IL1RAPL1: variants seen among roughly 807,000 people sequenced by gnomAD.
IL1RAPL1 encodes interleukin 1 receptor accessory protein like 1, also known as interleukin-1 receptor accessory protein-like 1.
In IL1RAPL1, 3 loss-of-function variants were observed where a neutral mutation model predicts 48.4. That is an observed-to-expected ratio of 0.06 (90% CI 0.03 to 0.16). IL1RAPL1 has a LOEUF of 0.16. Among genes scored for constraint, IL1RAPL1 ranks in the 10% least tolerant of loss-of-function variants. The probability of loss-of-function intolerance (pLI) is 1.00; values close to 1 mark genes in which losing one functional copy is unlikely to be tolerated. For missense variants in IL1RAPL1, 349 were observed against 530.6 expected (o/e 0.66, Z 3.36); for synonymous variants, 185 against 187.7 (o/e 0.99, Z 0.12).
chrX:29,730,731 G>C (rs1051213172), intron 6 of IL1RAPL1, among the ~76,000 whole-genome samples: 6 of 112,107 alleles, frequency 5.4e-5, no homozygotes, highest in African/African-American at 1.6e-4. Context: ...GCCAGTGGTA[G>C]AATTGTTACA....
intron 2 of IL1RAPL1, among the ~76,000 whole-genome samples, chrX:28,848,544 A>AT (rs1003471437): frequency 9.1e-6 from 1 of 109,555 alleles, no homozygotes; most frequent in Non-Finnish European, 1.9e-5. Flanking sequence ...TTATCATTTT[A>AT]TTTTTTCCCT....
chrX:29,437,916 C>A, intron 5 of IL1RAPL1, among the ~76,000 whole-genome samples: 1 of 110,932 alleles, frequency 9.0e-6, no homozygotes, highest in Non-Finnish European at 1.9e-5. Context: ...GGCATTCCAT[C>A]TTCTCTTTTG....
At chrX:29,196,002 C>A (rs1930437315) in intron 2 of IL1RAPL1, among the ~76,000 whole-genome samples, 1 of 111,791 alleles carries the variant, frequency 8.9e-6, no homozygotes, top group African/African-American at 3.3e-5. Flanking sequence ...ACAATACTAC[C>A]CCATTATCAA....
chrX:28,624,740 T>G (rs1164102766), intron 1 of IL1RAPL1, among the ~76,000 whole-genome samples: 2 of 112,062 alleles, frequency 1.8e-5, no homozygotes, highest in African/African-American at 6.5e-5. Flanking sequence ...ACTATGTACT[T>G]GTTTTTGTTA....
intron 2 of IL1RAPL1, among the ~76,000 whole-genome samples, chrX:28,836,336 TTATATATATATATATA>T (rs34343530): frequency 0.15 from 13,164 of 85,189 alleles, 1,914 homozygotes; most frequent in African/African-American, 0.47. Flanking sequence ...CTTCCCAATT[TTATATATATATATATA>T]TATATATATA....
At chrX:29,753,036 C>T (rs1036064600) in intron 6 of IL1RAPL1, among the ~76,000 whole-genome samples, 4 of 111,467 alleles carry the variant, frequency 3.6e-5, no homozygotes, top group Admixed American at 2.9e-4. Context: ...AAAGTGTGTG[C>T]GTTATGACAT....
chrX:28,755,306 AT>A (rs1936094480), intron 1 of IL1RAPL1, among the ~76,000 whole-genome samples: 1 of 112,565 alleles, frequency 8.9e-6, no homozygotes, highest in Non-Finnish European at 1.9e-5. Flanking sequence ...TCATGTTCAC[AT>A]TTTTATCCCA....
chrX:28,936,879 A>G (rs368052263), intron 2 of IL1RAPL1, among the ~76,000 whole-genome samples: 9 of 111,293 alleles, frequency 8.1e-5, no homozygotes, highest in South Asian at 3.8e-4. Context: ...CTCTAATACA[A>G]ATTTTCAGAT....
chrX:29,566,171 C>T (rs1045547959), intron 5 of IL1RAPL1, among the ~76,000 whole-genome samples: 7 of 111,799 alleles, frequency 6.3e-5, no homozygotes, highest in South Asian at 3.7e-4. Context: ...GATCTCCTGA[C>T]CTCGTGATCC....
chrX:29,187,740 A>C (rs1930279234), intron 2 of IL1RAPL1, among the ~76,000 whole-genome samples: 1 of 111,840 alleles, frequency 8.9e-6, no homozygotes, highest in Non-Finnish European at 1.9e-5. Flanking sequence ...ATTCTTAGGC[A>C]CATGGAACCA....
chrX:29,552,609 G>A (rs886160853), intron 5 of IL1RAPL1, among the ~76,000 whole-genome samples: 15 of 110,944 alleles, frequency 1.4e-4, no homozygotes, highest in Admixed American at 1.2e-3. Flanking sequence ...AGTTTCACTC[G>A]TTTTACCAAA....
At chrX:29,617,399 G>T (rs1427050325) in intron 5 of IL1RAPL1, among the ~76,000 whole-genome samples, 1 of 112,261 alleles carries the variant, frequency 8.9e-6, no homozygotes, top group Non-Finnish European at 1.9e-5. Flanking sequence ...AGTAACTTCA[G>T]TGCAATATGA....
At chrX:29,728,622 G>C (rs986587669) in intron 6 of IL1RAPL1, among the ~76,000 whole-genome samples, 16 of 112,510 alleles carry the variant, frequency 1.4e-4, no homozygotes, top group African/African-American at 5.2e-4. Flanking sequence ...ACATTGCTCT[G>C]ATCTCTAGTT....
chrX:29,479,553 G>A (rs751718294), intron 5 of IL1RAPL1, among the ~76,000 whole-genome samples: 1 of 109,496 alleles, frequency 9.1e-6, no homozygotes, highest in South Asian at 3.9e-4. Context: ...AGTTTGAGAG[G>A]TACAGGTTTT....
chrX:29,009,201 G>A (rs1042752163), intron 2 of IL1RAPL1, among the ~76,000 whole-genome samples: 9 of 111,610 alleles, frequency 8.1e-5, no homozygotes, highest in Non-Finnish European at 1.1e-4. Context: ...TTCTTGAGGG[G>A]GTAGGGTGGT....
chrX:29,933,096 A>G (rs1280748732), intron 8 of IL1RAPL1, among the ~76,000 whole-genome samples: 1 of 111,389 alleles, frequency 9.0e-6, no homozygotes, highest in Admixed American at 9.6e-5. Context: ...CAGAAACCAA[A>G]CACCACATGT....
At chrX:29,018,656 A>G (rs1926294632) in intron 2 of IL1RAPL1, among the ~76,000 whole-genome samples, 1 of 112,073 alleles carries the variant, frequency 8.9e-6, no homozygotes, top group Non-Finnish European at 1.9e-5. Flanking sequence ...ATCTTCTCAG[A>G]TTTGGCTTCA....
At chrX:29,495,165 C>T (rs1268716354) in intron 5 of IL1RAPL1, among the ~76,000 whole-genome samples, 1 of 111,795 alleles carries the variant, frequency 8.9e-6, no homozygotes, top group Non-Finnish European at 1.9e-5. Context: ...TTATTGCTTC[C>T]CTTTGTATCC....
intron 5 of IL1RAPL1, among the ~76,000 whole-genome samples, chrX:29,471,588 G>A (rs1392581019): frequency 1.8e-5 from 2 of 111,230 alleles, no homozygotes; most frequent in East Asian, 2.8e-4. Context: ...AGCTATCTGG[G>A]AACAAAAAGG....
Sources: allele counts gnomAD v4.1 joint callset (sites outside exome capture counted in the v4.1 genomes callset), GRCh38; gene constraint gnomAD v4.1.1; transcripts MANE v1.5; gene names NCBI Gene and HGNC (gene_info 2026-07-23, HGNC 2026-07-21).